SYNE1: variants seen among roughly 807,000 people sequenced by gnomAD.
SYNE1 encodes the protein spectrin repeat containing nuclear envelope protein 1.
Under a neutral mutation model 1,111.0 loss-of-function variants are expected in SYNE1, and 616 were observed. The ratio of observed to expected loss-of-function variants is 0.55; its 90% confidence interval spans 0.52 to 0.59. SYNE1 has a LOEUF of 0.59. SYNE1 is among the 20% of genes least tolerant of loss of function. The probability of loss-of-function intolerance (pLI) is 0.00; values close to 1 mark genes in which losing one functional copy is unlikely to be tolerated. For synonymous variants in SYNE1, 3,855 were observed against 3,825.8 expected (o/e 1.01, Z -0.28); for missense variants, 10,006 against 10,417.0 (o/e 0.96, Z 1.72).
intron 121 of SYNE1, among the ~76,000 whole-genome samples, chr6:152,215,845 G>A (rs951703800): frequency 2.0e-5 from 3 of 152,202 alleles, no homozygotes; most frequent in South Asian, 2.1e-4. Context: ...GAGGGTAAAC[G>A]AACCTCCTTG....
chr6:152,378,476 G>C (rs1328380777), intron 56 of SYNE1, among the ~76,000 whole-genome samples: 2 of 152,158 alleles, frequency 1.3e-5, no homozygotes, highest in Non-Finnish European at 2.9e-5. Context: ...ATCCAGGCTA[G>C]CTTATTCTGT....
At chr6:152,236,434 C>A in intron 109 of SYNE1, 131 bp from the exon 110 acceptor site, 1 of 705,898 alleles carries the variant, frequency 1.4e-6, no homozygotes, top group Non-Finnish European at 2.4e-6. Context: ...ACTCAAGTAA[C>A]ATTGAAAACT....
intron 32 of SYNE1, 110 bp from the exon 33 acceptor site, chr6:152,436,211 G>A: frequency 8.9e-7 from 1 of 1,123,992 alleles, no homozygotes; most frequent in Middle Eastern, 2.8e-4. Flanking sequence ...AAGACATAGA[G>A]TCATACATGT....
Position 152,437,497 on chromosome 6 carries a change from T to G in SYNE1, c.4150-1396A>C, listed in dbSNP as rs190308772. ...GTTTTTTATGTCTCTCATACAAACT[T>G]GAGGACAAAATGATTTATTAAGCCA... On this transcript the variant is annotated intron_variant, in intron 32 of 145. Transcript: ENST00000367255. 2.6e-5 allele frequency among the ~76,000 whole-genome samples: 4 copies of G among 152,318 alleles called. No individual in the cohort carries two copies. The East Asian group carries it at 7.7e-4, about 29-fold the overall frequency.
chr6:152,546,109 C>T (rs1456839116), intron 3 of SYNE1: 1 of 152,090 alleles, frequency 6.6e-6, no homozygotes, highest in Non-Finnish European at 1.5e-5. Context: ...GATTTGGGAA[C>T]AGAATTATAT....
intron 32 of SYNE1, among the ~76,000 whole-genome samples, chr6:152,439,667 T>C (rs2098510030): frequency 1.3e-5 from 2 of 152,128 alleles, no homozygotes; most frequent in Non-Finnish European, 2.9e-5. Context: ...ATTAGCAGTA[T>C]GGGAGAGAGT....
intron 9 of SYNE1, among the ~76,000 whole-genome samples, chr6:152,503,762 A>T (rs1298086865): frequency 1.3e-5 from 2 of 152,228 alleles, no homozygotes; most frequent in African/African-American, 4.8e-5. Context: ...AAATGACTCA[A>T]AGGTGATGAG....
At chr6:152,318,795 C>A in intron 85 of SYNE1, 68 bp downstream of exon 85, 1 of 1,587,674 alleles carries the variant, frequency 6.3e-7, no homozygotes, top group East Asian at 2.2e-5. Context: ...TCCTATATCC[C>A]CAAGTAAAAC....
chr6:152,300,632 G>T lies in SYNE1; in HGVS notation c.17682+9C>A. ...GATTATTGCTAGAGGAATGCCAACT[G>T]GGAGGTACCTGGTTAACAGAAGCAT... is the stretch of plus-strand genomic sequence containing the variant. On this transcript the variant is annotated intron_variant, in intron 93 of 145. Coordinates refer to ENST00000367255, the MANE Select transcript of SYNE1 (RefSeq NM_182961.4). 1 of 1,614,146 alleles carries T rather than the reference G, an allele frequency of 6.2e-7. No individual in the cohort carries two copies. Among genetic ancestry groups the T allele is most frequent in the East Asian group, 2.2e-5 (1 of 44,888 alleles).
Position 152,336,723 on chromosome 6 carries a change from A to G in SYNE1, c.12528+118T>C, listed in dbSNP as rs752160637. ...GGGGACCTCTGCCTTAAAGAGTTGT[A>G]TTAATGTCTAAGGATTGACAGACAC... On this transcript the variant is annotated intron_variant, in intron 76 of 145. Coordinates refer to ENST00000367255, the MANE Select transcript of SYNE1 (RefSeq NM_182961.4). 5 of 1,316,862 alleles carry G rather than the reference A, an allele frequency of 3.8e-6. No individual in the cohort carries two copies. In the Admixed American group the frequency reaches 8.6e-5, roughly 23 times the overall value. 81.6% of individuals were successfully genotyped at this position (1,316,862 alleles called of 1,614,324 possible). A position where few individuals can be genotyped will look rare whatever the true frequency, so the allele number is the denominator to read the frequency against.
In SYNE1 at chr6:152,538,921, T is replaced by C. The variant is rs565526667; in HGVS notation, c.129+1039A>G. On this transcript the variant is annotated intron_variant, in intron 4 of 145. Transcript: ENST00000367255. ...GCAAGCTTCTCGGGGCCTGGGAAAGTGTTTTACTAATTTTTTCCTGTCTTC... is the reference window on the plus strand; with the variant it reads ...GCAAGCTTCTCGGGGCCTGGGAAAGCGTTTTACTAATTTTTTCCTGTCTTC... 3.9e-5 allele frequency among the ~76,000 whole-genome samples: 6 copies of C among 152,278 alleles called. No homozygotes were observed. In the East Asian group the frequency reaches 1.2e-3, roughly 29 times the overall value.
At chr6:152,497,430 G>A (rs2099005648) in intron 11 of SYNE1, among the ~76,000 whole-genome samples, 1 of 152,160 alleles carries the variant, frequency 6.6e-6, no homozygotes, top group Non-Finnish European at 1.5e-5. Context: ...ATTCTTATGA[G>A]CTCAGAGAGA....
At chr6:152,584,763 C>A (rs922801355) in intron 3 of SYNE1, among the ~76,000 whole-genome samples, 1 of 152,164 alleles carries the variant, frequency 6.6e-6, no homozygotes. Flanking sequence ...TGTAACCCTA[C>A]ACTCTTGTGA....
intron 77 of SYNE1, 138 bp from the exon 78 acceptor site, chr6:152,332,028 T>C (rs1590250521): frequency 7.9e-7 from 1 of 1,258,452 alleles, no homozygotes; most frequent in Non-Finnish European, 1.1e-6. Flanking sequence ...TGGAGTGCAA[T>C]GAATGCTCTG....
rs182513780 is a variant in SYNE1 at position 152,425,137 on chromosome 6, T to C, written c.5267+244A>G. ...CATACATTAGCAATCCTACCGTCTT[T>C]AATCTATTTCAACTGGTTTAATAAC... On this transcript the variant is annotated intron_variant, in intron 39 of 145. Transcript: ENST00000367255. Among the ~76,000 whole-genome samples, 611 of 152,356 alleles carry C rather than the reference T, an allele frequency of 4.0e-3. 2 individuals carry two copies. The highest frequency in any genetic ancestry group is 5.6e-3 in the Non-Finnish European group (382 of 68,032).
rs1256162890 is a variant in SYNE1 at position 152,465,280 on chromosome 6, T to C, written c.1910A>G (p.Asn637Ser). The C allele has an allele frequency of 1.9e-6, 3 of 1,613,638 alleles. No homozygotes were observed. The highest frequency in any genetic ancestry group is 1.7e-5 in the Admixed American group (1 of 59,956). ...TACCTTTTTGGCATTTTCTGATTGA[T>C]TGAGCATTTTTTCAGCATCCTCTAG... ...AWLEDAEKML[N>S]QSENAKKDFF... Residue 637 changes from asparagine (N) to serine (S), a missense_variant, in exon 18 of 146, where the codon AAT (asparagine) becomes AGT (serine). Around this residue, in one of 7 missense-constraint regions of SYNE1, gnomAD observed 1,971 missense variants for 2,084.1 expected, o/e 0.95. Coordinates refer to ENST00000367255, the MANE Select transcript of SYNE1 (RefSeq NM_182961.4).
Position 152,453,194 on chromosome 6 carries a change from T to C in SYNE1, c.3027+392A>G, listed in dbSNP as rs542510057. 5.3e-4 allele frequency among the ~76,000 whole-genome samples: 81 copies of C among 152,322 alleles called. No homozygotes were observed. The South Asian group carries it at 0.016, about 29-fold the overall frequency. On this transcript the variant is annotated intron_variant, in intron 25 of 145. Coordinates refer to ENST00000367255, the MANE Select transcript of SYNE1 (RefSeq NM_182961.4). ...TTTGATCATAGCTATCTCAACTAGA[T>C]GATAAAATCTTTGGGGGGCAGAAAC... is the stretch of plus-strand genomic sequence containing the variant.
intron 4 of SYNE1, among the ~76,000 whole-genome samples, chr6:152,536,563 A>G (rs1431860799): frequency 6.7e-6 from 1 of 149,252 alleles, no homozygotes; most frequent in Non-Finnish European, 1.5e-5. Flanking sequence ...TAACATGGCC[A>G]CTCCCAATGG....
chr6:152,334,914 A>C (rs1401081602), intron 76 of SYNE1, among the ~76,000 whole-genome samples: 3 of 152,210 alleles, frequency 2.0e-5, no homozygotes, highest in Non-Finnish European at 2.9e-5. Context: ...CAAATGTCAG[A>C]GACAAGGCAA....
Sources: allele counts gnomAD v4.1 joint callset (sites outside exome capture counted in the v4.1 genomes callset), GRCh38; gene constraint gnomAD v4.1.1; regional missense constraint gnomAD v4.1.1; transcripts MANE v1.5; gene names NCBI Gene and HGNC (gene_info 2026-07-23, HGNC 2026-07-21).